CCDC181: variants seen among roughly 807,000 people sequenced by gnomAD.
CCDC181 encodes coiled-coil domain containing 181.
In CCDC181, 35 loss-of-function variants were observed where a neutral mutation model predicts 58.7. The ratio of observed to expected loss-of-function variants is 0.60; its 90% confidence interval spans 0.46 to 0.79. CCDC181 has a LOEUF of 0.79. Among genes scored for constraint, CCDC181 ranks in the 30% least tolerant of loss-of-function variants. The probability of loss-of-function intolerance (pLI) is 0.00; values close to 1 mark genes in which losing one functional copy is unlikely to be tolerated. For synonymous variants in CCDC181, 183 were observed against 197.5 expected, an observed-to-expected ratio of 0.93 and a Z score of 0.62; for missense variants, 517 against 583.9, an observed-to-expected ratio of 0.89 and a Z score of 1.18.
At chr1:169,403,248 A>G (rs1286464445) in intron 4 of CCDC181, among the ~76,000 whole-genome samples, 1 of 152,190 alleles carries the variant, frequency 6.6e-6, no homozygotes, top group African/African-American at 2.4e-5. Flanking sequence ...CATTAGACAG[A>G]TCAACGAGAC....
intron 4 of CCDC181, among the ~76,000 whole-genome samples, chr1:169,407,721 T>C (rs946616668): frequency 1.2e-4 from 18 of 152,140 alleles, no homozygotes; most frequent in Non-Finnish European, 2.1e-4. Context: ...CGTTTGTAAC[T>C]GAGGCACTCG....
intron 4 of CCDC181, among the ~76,000 whole-genome samples, chr1:169,412,601 A>G (rs1473169492): frequency 3.3e-5 from 5 of 152,198 alleles, no homozygotes; most frequent in African/African-American, 1.2e-4. Context: ...AGCTGGAGGC[A>G]TCATGGACCT....
intron 4 of CCDC181, among the ~76,000 whole-genome samples, chr1:169,408,112 G>A (rs1454936988): frequency 2.0e-5 from 3 of 152,214 alleles, no homozygotes; most frequent in Admixed American, 2.0e-4. Flanking sequence ...AGGGAGCCAA[G>A]TGATCTAGCT....
At chr1:169,413,565 C>T (rs1656073720) in intron 4 of CCDC181, among the ~76,000 whole-genome samples, 1 of 152,146 alleles carries the variant, frequency 6.6e-6, no homozygotes, top group African/African-American at 2.4e-5. Flanking sequence ...AAGACACATG[C>T]ACATGTATGT....
chr1:169,456,394 T>C (rs1657676846), intron 2 of CCDC181, among the ~76,000 whole-genome samples: 2 of 150,674 alleles, frequency 1.3e-5, no homozygotes, highest in South Asian at 4.2e-4. Flanking sequence ...TGTATAGTAT[T>C]TTAAAATATA....
At position 169,425,965 on chromosome 1, in the gene CCDC181, A is replaced by G. The variant is rs559996629; in HGVS notation, c.-23-1015T>C. ...ACACACATGAAAACTAAAATTTAAA[A>G]TGAAAACATAAAATCTGTATAATAA... On this transcript the variant is annotated intron_variant, in intron 1 of 5. Transcript: ENST00000367806. Among the ~76,000 whole-genome samples the G allele has an allele frequency of 5.9e-5, 9 of 152,248 alleles. No homozygotes were observed. The East Asian group carries it at 1.7e-3, about 29-fold the overall frequency.
rs761294658 is a variant in CCDC181 at position 169,421,570 on chromosome 1, C to T, written c.861G>A (p.Pro287=). 1.7e-5 allele frequency: 28 copies of T among 1,613,946 alleles called. No individual in the cohort carries two copies. The highest frequency in any genetic ancestry group is 1.2e-4 in the African/African-American group (9 of 74,890). ...HAVTHSSTGE[P]LAYIAQPPLN... ...GTGGTGGCTGAGCGATATAAGCCAG[C>T]GGCTCTCCTGTTGATGAGTGAGTGA... Residue 287 remains proline (P), a synonymous_variant, in exon 3 of 6, where the codon CCG becomes CCA. Coordinates refer to ENST00000367806, the MANE Select transcript of CCDC181 (RefSeq NM_001300969.2).
chr1:169,420,152 G>A (rs926316899), intron 3 of CCDC181, among the ~76,000 whole-genome samples: 8 of 152,124 alleles, frequency 5.3e-5, no homozygotes, highest in Non-Finnish European at 1.0e-4. Context: ...TATAACTTTT[G>A]TAAAAATATA....
At chr1:169,460,122 C>A (rs2101766509) in intron 1 of CCDC181, 1 of 152,240 alleles carries the variant, frequency 6.6e-6, no homozygotes, top group East Asian at 1.9e-4. Context: ...TTGTTACCCC[C>A]TTTTATTTAC....
chr1:169,442,479 A>G (rs1001559896), intron 2 of CCDC181, among the ~76,000 whole-genome samples: 3 of 152,236 alleles, frequency 2.0e-5, no homozygotes, highest in Admixed American at 2.0e-4. Flanking sequence ...ATAAGCTCAG[A>G]TCTCTGAATT....
Position 169,438,597 on chromosome 1 carries a change from T to C in CCDC181, c.-23-13647A>G, listed in dbSNP as rs916601871. Among the ~76,000 whole-genome samples the C allele has an allele frequency of 3.9e-5, 6 of 152,220 alleles. No homozygotes were observed. The South Asian group carries it at 1.2e-3, about 32-fold the overall frequency. Reference sequence around the variant, plus strand: ...ACAAAACAGACACTAGTCACCTTGTTCAGCACCCAATATCAACCTGACAAA... The same window carrying C: ...ACAAAACAGACACTAGTCACCTTGTCCAGCACCCAATATCAACCTGACAAA... On this transcript the variant is annotated intron_variant, in intron 2 of 6. Coordinates refer to the CCDC181 transcript ENST00000545005.
chr1:169,406,589 T>C (rs141920742), intron 4 of CCDC181, among the ~76,000 whole-genome samples: 71 of 152,136 alleles, frequency 4.7e-4, no homozygotes, highest in Non-Finnish European at 8.1e-4. Flanking sequence ...CAGGTGGGCA[T>C]TGAACAATGA....
chr1:169,404,780 A>G (rs1655556780), intron 4 of CCDC181, among the ~76,000 whole-genome samples: 1 of 152,178 alleles, frequency 6.6e-6, no homozygotes, highest in African/African-American at 2.4e-5. Flanking sequence ...CGCCACTCCT[A>G]TTCAACATAG....
At chr1:169,406,414 T>C (rs558778049) in intron 4 of CCDC181, among the ~76,000 whole-genome samples, 4 of 152,228 alleles carry the variant, frequency 2.6e-5, no homozygotes, top group African/African-American at 9.6e-5. Context: ...CCAACAATGA[T>C]AGACTGGATT....
At chr1:169,448,013 A>G (rs975043588) in intron 2 of CCDC181, among the ~76,000 whole-genome samples, 1 of 152,132 alleles carries the variant, frequency 6.6e-6, no homozygotes, top group Non-Finnish European at 1.5e-5. Context: ...TAGTTGCTCC[A>G]GAGTTTGCAA....
intron 3 of CCDC181, among the ~76,000 whole-genome samples, chr1:169,419,949 C>T (rs1346759780): frequency 6.6e-6 from 1 of 152,126 alleles, no homozygotes; most frequent in Non-Finnish European, 1.5e-5. Flanking sequence ...TGTTAAAAGC[C>T]TTAGTACTTG....
At chr1:169,416,818 C>T (rs1316404027) in intron 4 of CCDC181, among the ~76,000 whole-genome samples, 3 of 151,994 alleles carry the variant, frequency 2.0e-5, no homozygotes, top group Non-Finnish European at 4.4e-5. Context: ...GAAAGTACTG[C>T]CCATCCCAAG....
Position 169,421,766 on chromosome 1 carries a change from T to C in CCDC181, c.665A>G (p.Asp222Gly), listed in dbSNP as rs1571493149. ...TAAATTCAGAAGTTCAAATTTTCCATCTCTCTCTACCAGTATTGTCCTATC... is the reference window on the plus strand; with the variant it reads ...TAAATTCAGAAGTTCAAATTTTCCACCTCTCTCTACCAGTATTGTCCTATC... The part of the protein sequence containing the change: ...NKDRTILVER[D>G]GKFELLNLQD... The change falls in exon 3 of 6, where the codon GAT (aspartate) becomes GGT (glycine). Residue 222 changes from aspartate to glycine, a missense_variant. Asp to Gly is a moderately conservative substitution (Grantham distance 94, BLOSUM62 -1). Transcript: ENST00000367806. The C allele has an allele frequency of 6.2e-7, 1 of 1,614,120 alleles. No homozygotes were observed. The highest frequency in any genetic ancestry group is 1.7e-4 in the Middle Eastern group (1 of 6,040).
chr1:169,428,807 C>T (rs1656819351), upstream of CCDC181, among the ~76,000 whole-genome samples: 1 of 152,172 alleles, frequency 6.6e-6, no homozygotes, highest in Non-Finnish European at 1.5e-5. Context: ...AGGCACGCCA[C>T]CACACCTGGC....
Sources: gnomAD v4.1 joint callset for allele counts (sites outside exome capture counted in the v4.1 genomes callset) on GRCh38, gnomAD v4.1.1 for gene constraint, MANE v1.5 for transcripts, NCBI Gene and HGNC (gene_info 2026-07-23, HGNC 2026-07-21) for gene names.